The following SEMA3F variants were observed in gnomAD, a reference collection of about 807,000 sequenced individuals.
The protein encoded by SEMA3F is semaphorin 3F, also known as semaphorin-3F.
SEMA3F carries 30 observed loss-of-function variants against 98.5 expected under a neutral mutation model. That is an observed-to-expected ratio of 0.30 (90% CI 0.23 to 0.41). The LOEUF is 0.41. Ranked by LOEUF, SEMA3F falls within the 10% of genes least tolerant of loss-of-function variation. The probability of loss-of-function intolerance (pLI) is 1.00; values close to 1 mark genes in which losing one functional copy is unlikely to be tolerated. For synonymous variants in SEMA3F, 380 were observed against 444.8 expected, an observed-to-expected ratio of 0.85 and a Z score of 1.83; for missense variants, 866 against 1,119.3, an observed-to-expected ratio of 0.77 and a Z score of 3.23.
intron 12 of SEMA3F, chr3:50,184,283 C>G: frequency 2.3e-6 from 1 of 431,718 alleles, no homozygotes; most frequent in Non-Finnish European, 4.3e-6. Context: ...CTAGGAACAA[C>G]CAGAGAGGAA....
Position 50,166,832 on chromosome 3 carries a change from T to C in SEMA3F, c.113-6961T>C, listed in dbSNP as rs532621976. On this transcript the variant is annotated intron_variant, in intron 2 of 18. Coordinates refer to ENST00000002829, the MANE Select transcript of SEMA3F (RefSeq NM_004186.5). This position sits in a 1 kb window ranked among gnomAD's most constrained non-coding sequence, Gnocchi z 4.7. The stretch of plus-strand genomic sequence containing the variant: ...GAGCCATGGAGAGTTTGTTGTCTTT[T>C]GCAGTCATGGGGAGGAGGAGGTGGT... 7.2e-5 allele frequency among the ~76,000 whole-genome samples: 11 copies of C among 152,178 alleles called. No individual in the cohort carries two copies. The South Asian group carries it at 2.1e-3, about 29-fold the overall frequency.
At chr3:50,183,065 GAT>G (rs1272357286) in intron 10 of SEMA3F, 47 bp downstream of exon 10, 1 of 1,585,814 alleles carries the variant, frequency 6.3e-7, no homozygotes, top group Non-Finnish European at 8.7e-7. Context: ...CAGCAAGAGG[GAT>G]AGAGGCGGGA....
At chr3:50,157,461 C>T (rs554098080) in intron 1 of SEMA3F, among the ~76,000 whole-genome samples, 1 of 152,224 alleles carries the variant, frequency 6.6e-6, no homozygotes, top group African/African-American at 2.4e-5. Flanking sequence ...GCTGTTCTTC[C>T]TCTGTCCACT....
At position 50,187,822 on chromosome 3, in the gene SEMA3F, G is replaced by A. The variant is rs141689328; in HGVS notation, c.2065G>A (p.Val689Ile). ...CACTGAGAACAACTTTAAGCACGTC[G>A]TCACACGAGTGCAGCTGCATGTACT... ...TATENNFKHV[V>I]TRVQLHVLGR... Residue 689 changes from valine (V) to isoleucine (I), a missense_variant, in exon 19 of 19, where the codon GTC becomes ATC. Around this residue, in one of 3 missense-constraint regions of SEMA3F, gnomAD observed 245 missense variants for 260.5 expected, o/e 0.94. Coordinates refer to ENST00000002829, the MANE Select transcript of SEMA3F (RefSeq NM_004186.5). The A allele has an allele frequency of 1.0e-3, 1,614 of 1,613,450 alleles. 4 individuals are homozygous for A. Among genetic ancestry groups the A allele is most frequent in the Middle Eastern group, 6.8e-3 (41 of 6,062 alleles).
At chr3:50,172,993 C>T (rs1237274097) in intron 2 of SEMA3F, among the ~76,000 whole-genome samples, 1 of 152,216 alleles carries the variant, frequency 6.6e-6, no homozygotes, top group Non-Finnish European at 1.5e-5. Flanking sequence ...TGTTGCGTAC[C>T]CTGGCCCGCA....
rs759067419 is a variant in SEMA3F, at chr3:50,173,742, G to T, written c.113-51G>T. ...TCTCCCCTTTATCAGAGGGGGTATG[G>T]CTGGATGGTTTCCTGAAGGTCCTAA... On this transcript the variant is annotated intron_variant, in intron 2 of 18. Transcript: ENST00000002829. The T allele has an allele frequency of 5.1e-6, 8 of 1,559,002 alleles. No individual in the cohort carries two copies. The African/African-American group carries it at 1.1e-4, about 21-fold the overall frequency.
At position 50,158,201 on chromosome 3, in the gene SEMA3F, T is replaced by G. The variant is rs1407599181; in HGVS notation, c.-48-1374T>G. On this transcript the variant is annotated intron_variant, in intron 1 of 18. Transcript: ENST00000002829. This position sits in a 1 kb window ranked among gnomAD's most constrained non-coding sequence, Gnocchi z 4.8. ...GTGCCTCCCAGACCTGAGGAGGGGC[T>G]GGTTCTGATTCCCCCATCCCCCAGC... Among the ~76,000 whole-genome samples, 1 of 152,208 alleles carries G rather than the reference T, an allele frequency of 6.6e-6. No individual in the cohort carries two copies. Among genetic ancestry groups the G allele is most frequent in the African/African-American group, 2.4e-5 (1 of 41,448 alleles).
At position 50,183,416 on chromosome 3, in the gene SEMA3F, A is replaced by T. The variant is rs540063688; in HGVS notation, c.1089-4A>T. 3 of 1,613,866 alleles carry T rather than the reference A, an allele frequency of 1.9e-6. No homozygotes were observed. Among genetic ancestry groups the T allele is most frequent in the Non-Finnish European group, 2.5e-6 (3 of 1,179,934 alleles). ...CTGCTCAGCAGCGCCTGCCATGCCC[A>T]CAGCTCCGTGTTCCGAGGCTCTGCC... On this transcript the variant is annotated splice_region_variant and splice_polypyrimidine_tract_variant and intron_variant, in intron 11 of 18. Coordinates refer to ENST00000002829, the MANE Select transcript of SEMA3F (RefSeq NM_004186.5).
In SEMA3F at chr3:50,156,005, A is replaced by G. The variant is rs1256592417; in HGVS notation, c.-49+441A>G. On this transcript the variant is annotated intron_variant, in intron 1 of 18. Transcript: ENST00000002829. The surrounding 1 kb of genome is among the most constrained non-coding windows in gnomAD (Gnocchi z 4.5). Reference sequence around the variant, plus strand: ...TCTACTTGAGGACTGGCCAGCCCGAAGGGAAGCGGTATACTGGCAGTCCCC... The same window carrying G: ...TCTACTTGAGGACTGGCCAGCCCGAGGGGAAGCGGTATACTGGCAGTCCCC... 1 of 152,234 alleles carries G rather than the reference A, an allele frequency of 6.6e-6. No individual in the cohort carries two copies. The highest frequency in any genetic ancestry group is 1.5e-5 in the Non-Finnish European group (1 of 68,042). The allele number at this position is 152,234 out of a possible 1,614,324, so 9.4% of individuals were successfully genotyped here. A position where few individuals can be genotyped will look rare whatever the true frequency, so the allele number is the denominator to read the frequency against.
intron 2 of SEMA3F, among the ~76,000 whole-genome samples, chr3:50,161,979 G>C (rs1179649289): frequency 1.3e-5 from 2 of 152,330 alleles, no homozygotes; most frequent in South Asian, 4.1e-4. Context: ...CAGAGTACAC[G>C]TGGGTGGCAC....
chr3:50,179,149 T>G (rs1698929448), intron 7 of SEMA3F, among the ~76,000 whole-genome samples: 1 of 151,862 alleles, frequency 6.6e-6, no homozygotes, highest in South Asian at 2.1e-4. Flanking sequence ...TTAAGGGCCC[T>G]AGGGTTCTTG....
chr3:50,160,984 T>C (rs1253164254), intron 2 of SEMA3F, among the ~76,000 whole-genome samples: 1 of 152,180 alleles, frequency 6.6e-6, no homozygotes, highest in East Asian at 1.9e-4. Flanking sequence ...AGCACCCCCC[T>C]TCCCCGGGCC....
At chr3:50,161,144 C>G (rs949690377) in intron 2 of SEMA3F, among the ~76,000 whole-genome samples, 1 of 152,172 alleles carries the variant, frequency 6.6e-6, no homozygotes, top group Admixed American at 6.5e-5. Context: ...TCTCCTCCCC[C>G]GATAGTGGAA....
intron 7 of SEMA3F, among the ~76,000 whole-genome samples, chr3:50,181,079 AAAG>A (rs377214588): frequency 1.3e-4 from 19 of 151,890 alleles, no homozygotes; most frequent in African/African-American, 3.9e-4. Context: ...AAAAAAAAAA[AAAG>A]AAGAATTACC....
At chr3:50,160,505 C>T (rs1051095148) in intron 2 of SEMA3F, among the ~76,000 whole-genome samples, 2 of 152,216 alleles carry the variant, frequency 1.3e-5, no homozygotes, top group Non-Finnish European at 2.9e-5. Context: ...ATGGCTCACT[C>T]GAGAGCCACT....
At position 50,159,587 on chromosome 3, in the gene SEMA3F, T is replaced by C; in HGVS notation, c.-36T>C. On this transcript the variant is annotated 5_prime_UTR_variant, in exon 2 of 19. Coordinates refer to ENST00000002829, the MANE Select transcript of SEMA3F (RefSeq NM_004186.5). ...TTCCCCTTCCCAGGTTTCTAGAGAG[T>C]GGAGCCTGCTTCCTGGGCCCTAGGC... The C allele has an allele frequency of 1.5e-6, 2 of 1,309,448 alleles. No individual in the cohort carries two copies. Among genetic ancestry groups the C allele is most frequent in the Non-Finnish European group, 2.2e-6 (2 of 922,454 alleles). The allele number at this position is 1,309,448 out of a possible 1,614,324, so 81.1% of individuals were successfully genotyped here. A position where few individuals can be genotyped will look rare whatever the true frequency, so the allele number is the denominator to read the frequency against.
chr3:50,186,583 T>C, intron 17 of SEMA3F, 30 bp from the exon 18 acceptor site: 1 of 1,574,590 alleles, frequency 6.4e-7, no homozygotes, highest in Non-Finnish European at 8.7e-7. Context: ...GAGGTGATGC[T>C]GCTTTTGCTC....
intron 6 of SEMA3F, 87 bp downstream of exon 6, chr3:50,175,275 C>T (rs1698767579): frequency 4.4e-6 from 4 of 915,910 alleles, no homozygotes; most frequent in Non-Finnish European, 7.0e-6. Context: ...CCAGCCTCCC[C>T]AGGGCCTCCC....
At chr3:50,172,636 C>A (rs971454602) in intron 2 of SEMA3F, among the ~76,000 whole-genome samples, 1 of 152,186 alleles carries the variant, frequency 6.6e-6, no homozygotes. Context: ...AAATGACTGT[C>A]CTGGCTCATT....
Sources: allele counts gnomAD v4.1 joint callset (sites outside exome capture counted in the v4.1 genomes callset), GRCh38; gene constraint gnomAD v4.1.1; regional missense constraint gnomAD v4.1.1; non-coding constraint Gnocchi (gnomAD v3.1); transcripts MANE v1.5; gene names NCBI Gene and HGNC (gene_info 2026-07-23, HGNC 2026-07-21).